ZNF529: variants seen among roughly 807,000 people sequenced by gnomAD.
ZNF529 encodes zinc finger protein 529.
A neutral mutation model predicts 10.1 loss-of-function variants in ZNF529; 11 were observed. The ratio of observed to expected loss-of-function variants is 1.09; its 90% CI spans 0.69 to 1.81. ZNF529 has a LOEUF of 1.81. Ranked by LOEUF, ZNF529 falls within the 40% of genes most tolerant of loss-of-function variation. The probability of loss-of-function intolerance (pLI) is 0.00; values close to 1 mark genes in which losing one functional copy is unlikely to be tolerated. For missense variants in ZNF529, 624 were observed against 666.8 expected (o/e 0.94, Z 0.71); for synonymous variants, 204 against 215.7 (o/e 0.95, Z 0.47).
intron 2 of ZNF529, among the ~76,000 whole-genome samples, chr19:36,569,142 A>G (rs1446952073): frequency 4.6e-5 from 7 of 152,226 alleles, no homozygotes; most frequent in African/African-American, 1.7e-4. Context: ...AAGACCTTAG[A>G]CTTTCACCCT....
chr19:36,582,399 AAAG>A (rs2036484199), intron 2 of ZNF529: 1 of 152,020 alleles, frequency 6.6e-6, no homozygotes, highest in Non-Finnish European at 1.5e-5. Flanking sequence ...AAGTCAAAAA[AAAG>A]AAGTAAAGAT....
At position 36,544,418 on chromosome 19, in the gene ZNF529, T is replaced by C. The variant is rs1173633394; in HGVS notation, c.*2448A>G. The C allele has an allele frequency of 6.6e-6, 1 of 152,196 alleles. No individual in the cohort carries two copies. Among genetic ancestry groups the C allele is most frequent in the Non-Finnish European group, 1.5e-5 (1 of 68,040 alleles). The allele number at this position is 152,196 out of a possible 1,614,324, so 9.4% of individuals were successfully genotyped here. On this transcript the variant is annotated 3_prime_UTR_variant, in exon 5 of 5. Transcript: ENST00000591340. ...TTTCTCTCACTAATTTTAATGTCTGTATACAAGGTTTAGATATTTAGTTTT... is the reference window on the plus strand; with the variant it reads ...TTTCTCTCACTAATTTTAATGTCTGCATACAAGGTTTAGATATTTAGTTTT...
At chr19:36,565,865 T>C (rs1430200982) in intron 2 of ZNF529, among the ~76,000 whole-genome samples, 14 of 152,168 alleles carry the variant, frequency 9.2e-5, no homozygotes. Context: ...ACACAATGTA[T>C]AAAAATGTAA....
At chr19:36,554,329 A>G (rs921691071) in intron 4 of ZNF529, among the ~76,000 whole-genome samples, 6 of 152,208 alleles carry the variant, frequency 3.9e-5, no homozygotes, top group Admixed American at 2.6e-4. Flanking sequence ...CTGTAATCCC[A>G]GCACTTTGGG....
intron 2 of ZNF529, among the ~76,000 whole-genome samples, chr19:36,559,961 A>T (rs1307031690): frequency 6.6e-6 from 1 of 152,154 alleles, no homozygotes; most frequent in Admixed American, 6.5e-5. Flanking sequence ...ATCCATAAGA[A>T]AAAACAAAGA....
rs948910414 is a variant in ZNF529, at chr19:36,550,117, G to A, written c.236-1795C>T. Reference sequence around the variant, plus strand: ...ATAAACACTGCATGATAAAGGGCAAGAATAATTTTCTGTGACTTAATTATG... The same window carrying A: ...ATAAACACTGCATGATAAAGGGCAAAAATAATTTTCTGTGACTTAATTATG... On this transcript the variant is annotated intron_variant, in intron 4 of 4. Coordinates refer to ENST00000591340, the MANE Select transcript of ZNF529 (RefSeq NM_020951.5). Among the ~76,000 whole-genome samples, 4 of 152,180 alleles carry A rather than the reference G, an allele frequency of 2.6e-5. No individual in the cohort carries two copies. In the East Asian group the frequency reaches 7.7e-4, roughly 29 times the overall value.
chr19:36,551,869 CTGTTTACT>C (rs2035273179), intron 4 of ZNF529: 1 of 152,180 alleles, frequency 6.6e-6, no homozygotes, highest in Non-Finnish European at 1.5e-5. Context: ...CTCTACTTAT[CTGTTTACT>C]TGTTTATTAT....
At chr19:36,596,818 C>A (rs1333581239) in intron 1 of ZNF529, among the ~76,000 whole-genome samples, 1 of 152,104 alleles carries the variant, frequency 6.6e-6, no homozygotes, top group East Asian at 1.9e-4. Flanking sequence ...CCACGCCCAG[C>A]CTTGCTTTCA....
chr19:36,573,570 A>C (rs1418846129), upstream of ZNF529: 1 of 449,706 alleles, frequency 2.2e-6, no homozygotes, highest in Admixed American at 2.4e-5. Context: ...GGAGGACAGA[A>C]TGGGGAACAG....
chr19:36,569,883 T>C (rs188073741), intron 2 of ZNF529, among the ~76,000 whole-genome samples: 19 of 152,350 alleles, frequency 1.2e-4, no homozygotes, highest in Non-Finnish European at 2.4e-4. Flanking sequence ...TCTGAGCAGT[T>C]AGAGTATCCT....
intron 1 of ZNF529, among the ~76,000 whole-genome samples, chr19:36,600,533 G>A (rs746865162): frequency 1.3e-5 from 2 of 152,178 alleles, no homozygotes; most frequent in South Asian, 4.1e-4. Flanking sequence ...TCACTTGGAT[G>A]TAAACTGACT....
chr19:36,578,654 G>A (rs2036395595), intron 2 of ZNF529, among the ~76,000 whole-genome samples: 1 of 150,668 alleles, frequency 6.6e-6, no homozygotes, highest in South Asian at 2.1e-4. Flanking sequence ...TGTTGCCCAC[G>A]CTGGAGTACA....
At chr19:36,572,267 G>A (rs1248997690) in intron 2 of ZNF529, 66 bp downstream of exon 2, 3 of 1,528,546 alleles carry the variant, frequency 2.0e-6, no homozygotes, top group East Asian at 2.5e-5. Context: ...CCATCTCTAC[G>A]GTCCTGTTGT....
At chr19:36,589,995 A>G (rs904630118) in intron 1 of ZNF529, among the ~76,000 whole-genome samples, 1 of 152,212 alleles carries the variant, frequency 6.6e-6, no homozygotes, top group Non-Finnish European at 1.5e-5. Flanking sequence ...ACACACTTCT[A>G]TATAATCCAT....
intron 2 of ZNF529, among the ~76,000 whole-genome samples, chr19:36,557,306 CAG>C (rs1177521515): frequency 6.6e-6 from 1 of 152,120 alleles, no homozygotes; most frequent in East Asian, 1.9e-4. Flanking sequence ...TAAAATAATC[CAG>C]AGAGTCCATT....
chr19:36,558,128 T>C (rs2035550338), intron 2 of ZNF529, among the ~76,000 whole-genome samples: 1 of 152,082 alleles, frequency 6.6e-6, no homozygotes, highest in South Asian at 2.1e-4. Context: ...AGCAATGGTA[T>C]AATCTGATGA....
Position 36,546,984 on chromosome 19 carries a change from T to G in ZNF529, c.1574A>C (p.Gln525Pro). 6.2e-7 allele frequency: 1 copy of G among 1,614,056 alleles called. No individual in the cohort carries two copies. Among genetic ancestry groups the G allele is most frequent in the Non-Finnish European group, 8.5e-7 (1 of 1,179,944 alleles). ...GGGTTTATCATCAGTATGAATGCGC[T>G]GATGTTTGGTAAAGGATGAACTATG... ...FRHSSSFTKH[Q>P]RIHTDDKPYE... is the part of the protein sequence containing the mutation. Residue 525 changes from glutamine to proline, a missense_variant, in exon 5 of 5, where the codon CAG (glutamine) becomes CCG (proline). Coordinates refer to ENST00000591340, the MANE Select transcript of ZNF529 (RefSeq NM_020951.5).
At chr19:36,576,245 T>C (rs2036314493), upstream of ZNF529, among the ~76,000 whole-genome samples, 1 of 152,214 alleles carries the variant, frequency 6.6e-6, no homozygotes, top group South Asian at 2.1e-4. Flanking sequence ...ATAAAAGCTA[T>C]GGCTGAGAAT....
upstream of ZNF529, chr19:36,605,404 A>T (rs1226582942): frequency 6.6e-6 from 1 of 152,570 alleles, no homozygotes; most frequent in Non-Finnish European, 1.5e-5. Flanking sequence ...CCGTTCCGGG[A>T]GAGCTGTCTA....
Sources: gnomAD v4.1 joint callset for allele counts (sites outside exome capture counted in the v4.1 genomes callset) on GRCh38, gnomAD v4.1.1 for gene constraint, MANE v1.5 for transcripts, NCBI Gene and HGNC (gene_info 2026-07-23, HGNC 2026-07-21) for gene names.